Variants in SYT10 observed in about 807,000 individuals in gnomAD.
SYT10 encodes the protein synaptotagmin-10.
In SYT10, 31 loss-of-function variants were observed where a neutral mutation model predicts 51.1. The observed-to-expected ratio is 0.61, with a 90% CI of 0.46 to 0.82. The LOEUF (loss-of-function observed/expected upper bound fraction) is 0.82, where lower values mean the gene tolerates loss of function less well. Among genes scored for constraint, SYT10 ranks in the 40% least tolerant of loss-of-function variants. The pLI, the probability that SYT10 is intolerant of heterozygous loss-of-function variation, is 0.00. For missense variants in SYT10, 603 were observed against 634.0 expected, an observed-to-expected ratio of 0.95 and a Z score of 0.53; for synonymous variants, 233 against 225.9, an observed-to-expected ratio of 1.03 and a Z score of -0.28.
chr12:33,408,675 A>C (rs888195216), intron 2 of SYT10, among the ~76,000 whole-genome samples: 2 of 152,208 alleles, frequency 1.3e-5, no homozygotes, highest in African/African-American at 2.4e-5. Flanking sequence ...TCCCAGCTAC[A>C]TAAACTTCTA....
chr12:33,391,169 T>C lies in SYT10; in HGVS notation c.1078-5878A>G, dbSNP rs539048440. Among the ~76,000 whole-genome samples the C allele has an allele frequency of 1.1e-4, 17 of 152,330 alleles. 1 individual carries two copies. In the South Asian group the frequency reaches 3.3e-3, roughly 30 times the overall value. ...CCAGACTGGTCTTGAACTCCTGACT[T>C]CAGGTGATCTGCCCACCTTGGCCTC... On this transcript the variant is annotated intron_variant, in intron 3 of 6. Coordinates refer to ENST00000228567, the MANE Select transcript of SYT10 (RefSeq NM_198992.4).
chr12:33,379,910 C>T lies in SYT10; in HGVS notation c.1422G>A (p.Glu474=), dbSNP rs574136680. The T allele has an allele frequency of 3.7e-6, 6 of 1,613,986 alleles. No individual in the cohort carries two copies. The African/African-American group carries it at 5.3e-5, about 14-fold the overall frequency. Residue 474 remains glutamate (E), a synonymous_variant, in exon 6 of 7, where the codon GAG becomes GAA. Coordinates refer to ENST00000228567, the MANE Select transcript of SYT10 (RefSeq NM_198992.4). Reference sequence around the variant, plus strand: ...CATTCCAGTGGTCTCGCCCAAGACCCTCAGCATCCAGTCCTGTTCTGCACA... The same window carrying T: ...CATTCCAGTGGTCTCGCCCAAGACCTTCAGCATCCAGTCCTGTTCTGCACA... ...IGVCRTGLDA[E]GLGRDHWNEM...
rs1001748530 is a variant in SYT10, at chr12:33,374,986, T to A, written c.*1844A>T. ...TCATTCTATTAATAGTATAACTTTT[T>A]GTCTTCCTATTTGAAAAGTTTTATT... On this transcript the variant is annotated 3_prime_UTR_variant, in exon 7 of 7. Transcript: ENST00000228567. 1 of 152,054 alleles carries A rather than the reference T, an allele frequency of 6.6e-6. No homozygotes were observed. The highest frequency in any genetic ancestry group is 2.4e-5 in the African/African-American group (1 of 41,456). 9.4% of individuals were successfully genotyped at this position (152,054 alleles called of 1,614,324 possible). A position where few individuals can be genotyped will look rare whatever the true frequency, so the allele number is the denominator to read the frequency against.
intron 1 of SYT10, among the ~76,000 whole-genome samples, chr12:33,430,248 C>T: frequency 6.6e-6 from 1 of 152,180 alleles, no homozygotes; most frequent in East Asian, 1.9e-4. Flanking sequence ...ACATTTTACT[C>T]TTTTATCATG....
intron 3 of SYT10, among the ~76,000 whole-genome samples, chr12:33,406,152 T>C (rs1286511972): frequency 2.6e-5 from 4 of 152,118 alleles, no homozygotes; most frequent in Non-Finnish European, 5.9e-5. Flanking sequence ...TTTACTGTTT[T>C]TTAAATTTTC....
chr12:33,421,081 C>T (rs1866499409), intron 2 of SYT10, among the ~76,000 whole-genome samples: 1 of 152,100 alleles, frequency 6.6e-6, no homozygotes, highest in Non-Finnish European at 1.5e-5. Context: ...TTTTTAAAAA[C>T]ATTCTTACAG....
At chr12:33,420,692 T>A (rs762374123) in intron 2 of SYT10, among the ~76,000 whole-genome samples, 25 of 152,098 alleles carry the variant, frequency 1.6e-4, no homozygotes, top group Non-Finnish European at 2.2e-4. Flanking sequence ...CAAATCAGTG[T>A]TTGCGTATAA....
intron 6 of SYT10, 37 bp downstream of exon 6, chr12:33,379,795 A>T: frequency 6.2e-7 from 1 of 1,610,094 alleles, no homozygotes; most frequent in Non-Finnish European, 8.5e-7. Context: ...CAAAAGAGAC[A>T]ACAAAAAGAG....
chr12:33,428,723 G>A (rs1866572220), intron 1 of SYT10, among the ~76,000 whole-genome samples: 1 of 152,096 alleles, frequency 6.6e-6, no homozygotes, highest in Non-Finnish European at 1.5e-5. Context: ...TGGCTAAAGC[G>A]ATGAAACTCC....
intron 3 of SYT10, 80 bp from the exon 4 acceptor site, chr12:33,385,371 G>C: frequency 6.5e-7 from 1 of 1,529,378 alleles, no homozygotes; most frequent in Non-Finnish European, 8.8e-7. Flanking sequence ...TAGAATACTG[G>C]AATGTCATTT....
At chr12:33,410,289 C>T (rs1866394322) in intron 2 of SYT10, among the ~76,000 whole-genome samples, 1 of 152,126 alleles carries the variant, frequency 6.6e-6, no homozygotes, top group South Asian at 2.1e-4. Context: ...TAAGGTGTTG[C>T]CAAGTTCATT....
chr12:33,374,446 A>G lies in SYT10; in HGVS notation c.*2384T>C, dbSNP rs2138374177. 1 of 151,854 alleles carries G rather than the reference A, an allele frequency of 6.6e-6. No individual in the cohort carries two copies. The highest frequency in any genetic ancestry group is 2.1e-4 in the South Asian group (1 of 4,820). 9.4% of individuals were successfully genotyped at this position (151,854 alleles called of 1,614,324 possible). A position where few individuals can be genotyped will look rare whatever the true frequency, so the allele number is the denominator to read the frequency against. On this transcript the variant is annotated 3_prime_UTR_variant, in exon 7 of 7. Transcript: ENST00000228567. ...TATTTCATCTTCAATTACAAGCAGA[A>G]AGATGGTAAGTTATGTGTATATGAA...
At position 33,439,432 on chromosome 12, in the gene SYT10, A is replaced by G. The variant is rs772191655; in HGVS notation, c.91T>C (p.Trp31Arg). 1 of 1,613,794 alleles carries G rather than the reference A, an allele frequency of 6.2e-7. No individual in the cohort carries two copies. The highest frequency in any genetic ancestry group is 1.3e-5 in the African/African-American group (1 of 74,838). ...GGGAAGATGCCCGAGCACTTCTCCC[A>G]CTCCACCTGGCCGGCGAAGCACAGC... The part of the protein sequence containing the change: ...TELCFAGQVE[W>R]EKCSGIFPRD... The change falls in exon 1 of 7, where the codon TGG becomes CGG. Residue 31 changes from tryptophan to arginine, a missense_variant. Coordinates refer to ENST00000228567, the MANE Select transcript of SYT10 (RefSeq NM_198992.4).
rs755675734 is a variant in SYT10, at chr12:33,379,866, C to T, written c.1466G>A (p.Arg489Gln). The T allele has an allele frequency of 1.5e-5, 24 of 1,613,754 alleles. No individual in the cohort carries two copies. In the South Asian group the frequency reaches 1.9e-4, roughly 13 times the overall value. The change falls in exon 6 of 7, where the codon CGA (arginine) becomes CAA (glutamine). Residue 489 changes from arginine to glutamine, a missense_variant. Transcript: ENST00000228567. ...TGGGTGCCAGTGCGTTATTGGTTTT[C>T]GATGATAGGCCAGCATTTCATTCCA... is the stretch of plus-strand genomic sequence containing the variant. The part of the protein sequence containing the change: ...DHWNEMLAYH[R>Q]KPITHWHPLL...
chr12:33,411,312 C>G (rs1334280977), intron 2 of SYT10, among the ~76,000 whole-genome samples: 1 of 151,986 alleles, frequency 6.6e-6, no homozygotes, highest in African/African-American at 2.4e-5. Context: ...CCACTAAGAT[C>G]TCAAGTTTAT....
chr12:33,426,003 T>G, intron 2 of SYT10, 135 bp downstream of exon 2: 1 of 872,902 alleles, frequency 1.1e-6, no homozygotes, highest in Non-Finnish European at 1.7e-6. Flanking sequence ...TTCCTATGTC[T>G]TTCCCATTTC....
At chr12:33,432,884 C>G (rs1398877132) in intron 1 of SYT10, 3 of 152,012 alleles carry the variant, frequency 2.0e-5, no homozygotes, top group Non-Finnish European at 2.9e-5. Context: ...ATGATTCCCC[C>G]CTTCTGGCTC....
chr12:33,376,592 G>A lies in SYT10; in HGVS notation c.*238C>T. On this transcript the variant is annotated 3_prime_UTR_variant, in exon 7 of 7. Transcript: ENST00000228567. ...TAGTAAAACACTCTTTGTGCTAACA[G>A]GCATTTGATACGAAGGATAAAATGC... 1.9e-6 allele frequency: 1 copy of A among 515,276 alleles called. No individual in the cohort carries two copies. The highest frequency in any genetic ancestry group is 3.5e-6 in the Non-Finnish European group (1 of 288,082). 31.9% of individuals were successfully genotyped at this position (515,276 alleles called of 1,614,324 possible).
In SYT10 at chr12:33,376,069, T is replaced by A. The variant is rs1440854480; in HGVS notation, c.*761A>T. 1 of 152,296 alleles carries A rather than the reference T, an allele frequency of 6.6e-6. No individual in the cohort carries two copies. The highest frequency in any genetic ancestry group is 1.5e-5 in the Non-Finnish European group (1 of 68,030). 9.4% of individuals were successfully genotyped at this position (152,296 alleles called of 1,614,324 possible). The stretch of plus-strand genomic sequence containing the variant: ...TTTGAGATGAAGATTATTAGAATTT[T>A]AAAAATATCAGTTGAACAGTGCAAC... On this transcript the variant is annotated 3_prime_UTR_variant, in exon 7 of 7. Coordinates refer to ENST00000228567, the MANE Select transcript of SYT10 (RefSeq NM_198992.4).
Sources: allele counts gnomAD v4.1 joint callset (sites outside exome capture counted in the v4.1 genomes callset), GRCh38; gene constraint gnomAD v4.1.1; transcripts MANE v1.5; gene names NCBI Gene and HGNC (gene_info 2026-07-23, HGNC 2026-07-21).